Variants in TBL1X observed in about 807,000 individuals in gnomAD.
TBL1X encodes transducin beta like 1 X-linked.
Under a neutral mutation model 50.7 loss-of-function variants are expected in TBL1X, and 10 were observed. The observed-to-expected ratio is 0.20, with a 90% confidence interval of 0.12 to 0.33. TBL1X has a LOEUF of 0.33. TBL1X is among the 10% of genes least tolerant of loss of function. The pLI is 1.00. For synonymous variants in TBL1X, 190 were observed against 214.7 expected, an observed-to-expected ratio of 0.88 and a Z score of 1.01; for missense variants, 340 against 504.4, an observed-to-expected ratio of 0.67 and a Z score of 3.12.
chrX:9,710,708 G>A (rs369147749), intron 15 of TBL1X, among the ~76,000 whole-genome samples: 5 of 111,950 alleles, frequency 4.5e-5, no homozygotes, highest in Non-Finnish European at 9.4e-5. Flanking sequence ...ATGTGATTAC[G>A]TATGTGGATG....
chrX:9,556,956 A>G (rs1191201626), intron 2 of TBL1X, among the ~76,000 whole-genome samples: 2 of 110,906 alleles, frequency 1.8e-5, no homozygotes, highest in Non-Finnish European at 3.8e-5. Context: ...CACTCTTCTG[A>G]TGAACCACTT....
chrX:9,711,410 CTT>C (rs1336502273), intron 15 of TBL1X, among the ~76,000 whole-genome samples, 199 bp from the exon 16 acceptor site: 108 of 110,123 alleles, frequency 9.8e-4, no homozygotes, highest in Non-Finnish European at 1.8e-3. Flanking sequence ...ACCATTAAAG[CTT>C]TTTTTCTGTT....
At position 9,517,841 on chromosome X, in the gene TBL1X, A is replaced by G. The variant is rs926746744; in HGVS notation, c.-131+15992A>G. ...GTAAAGAGACTGGGAGCGGCGGCTC[A>G]TGCCTGTAATCCCAACACTTTGGGA... On this transcript the variant is annotated intron_variant, in intron 2 of 17. Coordinates refer to ENST00000645353, the MANE Select transcript of TBL1X (RefSeq NM_005647.4). Among the ~76,000 whole-genome samples, 52 of 112,359 alleles carry G rather than the reference A, an allele frequency of 4.6e-4. 2 individuals carry two copies. The Admixed American group carries it at 4.9e-3, about 11-fold the overall frequency.
rs188198476 is a variant in TBL1X at position 9,546,463 on chromosome X, G to C, written c.-131+44614G>C. ...CGGGAGGCGGAGCTTGCAGGGAGTC[G>C]AGATTGCACCACTGCACTCCAGCCT... is the stretch of plus-strand genomic sequence containing the variant. On this transcript the variant is annotated intron_variant, in intron 2 of 17. Transcript: ENST00000645353. 5.1e-3 allele frequency among the ~76,000 whole-genome samples: 566 copies of C among 111,101 alleles called. 17 individuals carry two copies. The highest frequency in any genetic ancestry group is 0.047 in the Admixed American group (490 of 10,480).
chrX:9,491,338 A>ATATATTTTTTTTTT (rs1328551249), intron 1 of TBL1X, among the ~76,000 whole-genome samples: 1 of 31,316 alleles, frequency 3.2e-5, no homozygotes, highest in African/African-American at 1.2e-4. Context: ...ATATATATAT[A>ATATATTTTTTTTTT]TTTTTTTTTT....
chrX:9,484,459 C>T (rs146965624), intron 1 of TBL1X, among the ~76,000 whole-genome samples: 39 of 111,646 alleles, frequency 3.5e-4, no homozygotes, highest in Non-Finnish European at 7.0e-4. Context: ...CATTGGTGGG[C>T]AGTCTGTGAC....
chrX:9,612,120 G>A (rs753952667), intron 2 of TBL1X, among the ~76,000 whole-genome samples: 9 of 112,691 alleles, frequency 8.0e-5, no homozygotes, highest in African/African-American at 1.9e-4. Context: ...ACAGAAAATC[G>A]CTTTTTGTTT....
At chrX:9,480,960 C>T (rs2081879214) in intron 1 of TBL1X, among the ~76,000 whole-genome samples, 1 of 111,095 alleles carries the variant, frequency 9.0e-6, no homozygotes, top group Non-Finnish European at 1.9e-5. Context: ...TATAAGATTT[C>T]CTGTAATTCT....
rs190025748 is a variant in TBL1X, at chrX:9,718,565, C to T, written c.*2319C>T. The T allele has an allele frequency of 5.4e-5, 6 of 111,418 alleles. No individual in the cohort carries two copies. In the East Asian group the frequency reaches 1.1e-3, roughly 21 times the overall value. 9.2% of individuals were successfully genotyped at this position (111,418 alleles called of 1,213,427 possible). The stretch of plus-strand genomic sequence containing the variant: ...CAGTTTGTTGGGGTCCAAAAGACAC[C>T]ATCTCTACCCCACCCAAATAAAAAT... On this transcript the variant is annotated 3_prime_UTR_variant, in exon 18 of 18. Coordinates refer to ENST00000645353, the MANE Select transcript of TBL1X (RefSeq NM_005647.4).
chrX:9,529,069 A>G (rs936015326), intron 2 of TBL1X, among the ~76,000 whole-genome samples: 4 of 112,210 alleles, frequency 3.6e-5, no homozygotes, highest in African/African-American at 9.7e-5. Context: ...TTGGAAAACA[A>G]TTTCAAAATT....
intron 2 of TBL1X, among the ~76,000 whole-genome samples, chrX:9,556,221 G>A (rs1466983113): frequency 1.9e-5 from 2 of 106,269 alleles, no homozygotes; most frequent in Non-Finnish European, 3.9e-5. Flanking sequence ...AAAAAAAACA[G>A]TACAAAGTGT....
At chrX:9,711,882 G>A (rs2083249592) in intron 16 of TBL1X, 106 bp downstream of exon 16, 1 of 917,453 alleles carries the variant, frequency 1.1e-6, no homozygotes, top group African/African-American at 2.0e-5. Context: ...AGTTGAGCAA[G>A]CTCAGGCTCC....
chrX:9,654,875 C>T (rs2082856814), intron 5 of TBL1X, among the ~76,000 whole-genome samples: 1 of 111,468 alleles, frequency 9.0e-6, no homozygotes, highest in Non-Finnish European at 1.9e-5. Flanking sequence ...CAGCTGCCCT[C>T]CTCCGCCAGC....
intron 2 of TBL1X, among the ~76,000 whole-genome samples, chrX:9,518,250 A>G (rs980070896): frequency 2.7e-5 from 3 of 112,313 alleles, no homozygotes; most frequent in Non-Finnish European, 5.6e-5. Context: ...GGGTGTTGCA[A>G]CCATGGCAAC....
intron 1 of TBL1X, among the ~76,000 whole-genome samples, chrX:9,498,455 T>C (rs903679557): frequency 3.6e-5 from 4 of 112,337 alleles, no homozygotes; most frequent in African/African-American, 1.3e-4. Context: ...TAATGAGGAA[T>C]CTGCTTTCCC....
chrX:9,642,715 C>G (rs750211252), intron 3 of TBL1X, among the ~76,000 whole-genome samples: 2 of 112,147 alleles, frequency 1.8e-5, no homozygotes, highest in East Asian at 5.6e-4. Context: ...TGTGATGGGC[C>G]CGATAGTTAG....
intron 5 of TBL1X, among the ~76,000 whole-genome samples, chrX:9,683,573 G>A (rs1047987334): frequency 3.6e-5 from 4 of 111,521 alleles, no homozygotes; most frequent in Non-Finnish European, 7.5e-5. Flanking sequence ...CAGGGTCAGC[G>A]TTTGCTGTTC....
chrX:9,495,438 T>C (rs938480535), intron 1 of TBL1X, among the ~76,000 whole-genome samples: 2 of 110,707 alleles, frequency 1.8e-5, no homozygotes, highest in Non-Finnish European at 3.8e-5. Flanking sequence ...TAGCTGCATC[T>C]TCATGTTGTA....
At chrX:9,711,230 C>T (rs1261583410) in intron 15 of TBL1X, among the ~76,000 whole-genome samples, 1 of 108,182 alleles carries the variant, frequency 9.2e-6, no homozygotes, top group Non-Finnish European at 1.9e-5. Context: ...GTTGCAGCTT[C>T]TCTGCTGAGG....
Sources: allele counts gnomAD v4.1 joint callset (sites outside exome capture counted in the v4.1 genomes callset), GRCh38; gene constraint gnomAD v4.1.1; transcripts MANE v1.5; gene names NCBI Gene and HGNC (gene_info 2026-07-23, HGNC 2026-07-21).